Variants in APP observed in about 807,000 individuals in gnomAD.
APP encodes the protein amyloid beta precursor protein.
In APP, 31 loss-of-function variants were observed where a neutral mutation model predicts 101.4. That is an observed-to-expected ratio of 0.31 (90% CI 0.23 to 0.41). APP has a LOEUF of 0.41. APP is among the 10% of genes least tolerant of loss of function. The pLI is 1.00. For synonymous variants in APP, 366 were observed against 364.4 expected, an observed-to-expected ratio of 1.00 and a Z score of -0.05; for missense variants, 839 against 1,003.7, an observed-to-expected ratio of 0.84 and a Z score of 2.22.
intron 5 of APP, among the ~76,000 whole-genome samples, chr21:26,034,641 AAAAAAAAAGAAAAAG>A (rs1257429470): frequency 1.7e-5 from 2 of 121,134 alleles, no homozygotes; most frequent in African/African-American, 5.9e-5. Flanking sequence ...GACTTCTCAA[AAAAAAAAAGAAAAAG>A]AAAAAGAAAA....
chr21:26,126,606 T>C (rs948574407), intron 1 of APP, among the ~76,000 whole-genome samples: 16 of 152,184 alleles, frequency 1.1e-4, no homozygotes, highest in African/African-American at 3.4e-4. Context: ...GCAAAGATGA[T>C]TGTCACGACT....
chr21:25,899,870 TC>T (rs2038325655), intron 15 of APP, among the ~76,000 whole-genome samples: 1 of 152,220 alleles, frequency 6.6e-6, no homozygotes, highest in Non-Finnish European at 1.5e-5. Context: ...TTTCCTTTCA[TC>T]AGAAGTTCAT....
At chr21:26,094,609 A>G (rs904845369) in intron 2 of APP, among the ~76,000 whole-genome samples, 3 of 149,122 alleles carry the variant, frequency 2.0e-5, no homozygotes, top group African/African-American at 7.3e-5. Context: ...TTATAAAGAT[A>G]TAAATATAGT....
chr21:26,004,558 C>T (rs2043439301), intron 6 of APP, among the ~76,000 whole-genome samples: 1 of 152,176 alleles, frequency 6.6e-6, no homozygotes, highest in Non-Finnish European at 1.5e-5. Flanking sequence ...TCCCAAAGTG[C>T]TGGGATTACA....
chr21:25,986,754 G>A (rs549759114), intron 8 of APP, among the ~76,000 whole-genome samples: 22 of 152,142 alleles, frequency 1.4e-4, no homozygotes, highest in East Asian at 3.9e-4. Flanking sequence ...TTGGCACTCC[G>A]TCTCAAATAA....
chr21:25,997,160 A>G (rs963925913), intron 8 of APP, 200 bp downstream of exon 8: 1 of 608,096 alleles, frequency 1.6e-6, no homozygotes, highest in African/African-American at 1.9e-5. Context: ...AACTTAGTCA[A>G]TGATGTTCTT....
rs528911031 is a variant in APP, at chr21:25,924,869, C to A, written c.1688-12907G>T. Among the ~76,000 whole-genome samples, 8 of 151,870 alleles carry A rather than the reference C, an allele frequency of 5.3e-5. No homozygotes were observed. The East Asian group carries it at 1.4e-3, about 26-fold the overall frequency. On this transcript the variant is annotated intron_variant, in intron 13 of 17. Transcript: ENST00000346798. ...TTTTCTTCTGTCTAGGATCGAACCT[C>A]CACTGCTATTACTATTTTCTTTCCT...
chr21:26,009,015 A>C (rs997888222), intron 6 of APP, among the ~76,000 whole-genome samples: 2 of 152,148 alleles, frequency 1.3e-5, no homozygotes, highest in Non-Finnish European at 2.9e-5. Flanking sequence ...CCCCATACAG[A>C]CTCAACAACG....
At chr21:26,145,725 T>C (rs2063141083) in intron 1 of APP, among the ~76,000 whole-genome samples, 1 of 152,234 alleles carries the variant, frequency 6.6e-6, no homozygotes, top group Non-Finnish European at 1.5e-5. Context: ...TTTGTCAGAT[T>C]CACTTGAATC....
intron 8 of APP, among the ~76,000 whole-genome samples, chr21:25,990,529 G>A (rs140292563): frequency 2.6e-5 from 4 of 152,244 alleles, no homozygotes; most frequent in African/African-American, 9.6e-5. Context: ...TTCGTTAATG[G>A]AGGCACATAA....
intron 6 of APP, 136 bp from the exon 7 acceptor site, chr21:26,000,318 T>C: frequency 9.1e-7 from 1 of 1,104,226 alleles, no homozygotes; most frequent in Non-Finnish European, 1.3e-6. Context: ...TACCAAACAT[T>C]TACTGAGGAA....
chr21:25,911,622 A>G (rs2039073033), intron 14 of APP, 119 bp downstream of exon 14: 6 of 824,356 alleles, frequency 7.3e-6, no homozygotes, highest in African/African-American at 3.4e-5. Context: ...ATTTATGACT[A>G]CATCAAAAAA....
At chr21:26,135,902 G>A (rs1398435868) in intron 1 of APP, among the ~76,000 whole-genome samples, 1 of 151,998 alleles carries the variant, frequency 6.6e-6, no homozygotes, top group Non-Finnish European at 1.5e-5. Flanking sequence ...GGGTGGCCGA[G>A]GCAGGCGGAT....
At chr21:26,141,717 C>A (rs577084644) in intron 1 of APP, among the ~76,000 whole-genome samples, 1 of 152,164 alleles carries the variant, frequency 6.6e-6, no homozygotes, top group Non-Finnish European at 1.5e-5. Context: ...ATTTCTTTTA[C>A]GCCTCACAAC....
In APP at chr21:26,123,628, G is replaced by A. The variant is rs369731239; in HGVS notation, c.58-11482C>T. Among the ~76,000 whole-genome samples the A allele has an allele frequency of 5.1e-4, 78 of 152,272 alleles. 1 individual carries two copies. Among genetic ancestry groups the A allele is most frequent in the African/African-American group, 1.7e-3 (72 of 41,550 alleles). On this transcript the variant is annotated intron_variant, in intron 1 of 17. Coordinates refer to ENST00000346798, the MANE Select transcript of APP (RefSeq NM_000484.4). ...GAATTGCCATTTCTATAGGAATAAA[G>A]GCTATCAGGAACCACAATACTAGGA...
intron 1 of APP, among the ~76,000 whole-genome samples, chr21:26,148,948 C>G (rs1452943549): frequency 2.0e-5 from 3 of 152,168 alleles, no homozygotes; most frequent in African/African-American, 7.2e-5. Flanking sequence ...GATCCAAGGT[C>G]TGAATGACTC....
intron 5 of APP, among the ~76,000 whole-genome samples, chr21:26,033,454 C>G (rs112479242): frequency 1.3e-5 from 2 of 152,188 alleles, no homozygotes; most frequent in African/African-American, 4.8e-5. Flanking sequence ...ATAAACTACC[C>G]AGTCTTGGTT....
At chr21:26,111,105 A>G (rs1421554047) in intron 2 of APP, among the ~76,000 whole-genome samples, 1 of 147,434 alleles carries the variant, frequency 6.8e-6, no homozygotes, top group East Asian at 2.0e-4. Flanking sequence ...AAAAAAAAAA[A>G]AAAAGCAAAG....
In APP at chr21:26,139,841, C is replaced by G. The variant is rs532490315; in HGVS notation, c.58-27695G>C. Among the ~76,000 whole-genome samples, 27 of 152,214 alleles carry G rather than the reference C, an allele frequency of 1.8e-4. No individual in the cohort carries two copies. The East Asian group carries it at 5.2e-3, about 29-fold the overall frequency. ...GATGCAGTGAGCCAATATCGGGCCA[C>G]TGCACTCCAGCCTGGCAACAGAGCG... On this transcript the variant is annotated intron_variant, in intron 1 of 17. Transcript: ENST00000346798.
Sources: gnomAD v4.1 joint callset for allele counts (sites outside exome capture counted in the v4.1 genomes callset) on GRCh38, gnomAD v4.1.1 for gene constraint, MANE v1.5 for transcripts, NCBI Gene and HGNC (gene_info 2026-07-23, HGNC 2026-07-21) for gene names.